Variants in PRIMA1 observed in about 807,000 individuals in gnomAD.
PRIMA1 encodes the protein proline-rich membrane anchor 1.
A neutral mutation model predicts 17.5 loss-of-function variants in PRIMA1; 7 were observed. That is an observed-to-expected ratio of 0.40 (90% CI 0.23 to 0.75). The LOEUF is 0.75. PRIMA1 is among the 30% of genes least tolerant of loss of function. The pLI is 0.37. For missense variants in PRIMA1, 200 were observed against 201.8 expected (o/e 0.99, Z 0.05); for synonymous variants, 97 against 77.9 (o/e 1.25, Z -1.29).
At chr14:93,776,512 C>T (rs1885225726) in intron 3 of PRIMA1, among the ~76,000 whole-genome samples, 1 of 152,178 alleles carries the variant, frequency 6.6e-6, no homozygotes, top group South Asian at 2.1e-4. Flanking sequence ...AGACCCCCAC[C>T]TGACTCCAGT....
chr14:93,771,719 T>C (rs1004818106), intron 3 of PRIMA1, among the ~76,000 whole-genome samples: 8 of 152,182 alleles, frequency 5.3e-5, no homozygotes, highest in African/African-American at 1.9e-4. Flanking sequence ...AAGGTCTTCC[T>C]GAAGAAAGAA....
At chr14:93,782,779 G>A (rs1423914870) in intron 2 of PRIMA1, among the ~76,000 whole-genome samples, 1 of 152,224 alleles carries the variant, frequency 6.6e-6, no homozygotes, top group Non-Finnish European at 1.5e-5. Flanking sequence ...GCAGTGTCCT[G>A]ATAGTTTGGT....
intron 3 of PRIMA1, among the ~76,000 whole-genome samples, chr14:93,774,869 G>A: frequency 6.6e-6 from 1 of 152,202 alleles, no homozygotes; most frequent in East Asian, 1.9e-4. Context: ...CCCATGGGGT[G>A]GGTGTGGCCC....
At chr14:93,724,269 A>C (rs2076061007) in intron 4 of PRIMA1, among the ~76,000 whole-genome samples, 1 of 152,220 alleles carries the variant, frequency 6.6e-6, no homozygotes, top group African/African-American at 2.4e-5. Flanking sequence ...AGAGTCCTCC[A>C]AGAAAACTGT....
chr14:93,730,857 A>G (rs1238664611), intron 4 of PRIMA1, among the ~76,000 whole-genome samples: 4 of 152,122 alleles, frequency 2.6e-5, no homozygotes, highest in African/African-American at 9.7e-5. Flanking sequence ...GAGATGAAAG[A>G]CTGGAGTTGG....
intron 3 of PRIMA1, among the ~76,000 whole-genome samples, chr14:93,756,700 T>C (rs916082467): frequency 6.6e-6 from 1 of 152,136 alleles, no homozygotes; most frequent in African/African-American, 2.4e-5. Context: ...GTGTCTCCAC[T>C]GGGGTGGTCC....
chr14:93,727,543 G>A (rs2076086314), intron 4 of PRIMA1, among the ~76,000 whole-genome samples: 1 of 151,990 alleles, frequency 6.6e-6, no homozygotes, highest in South Asian at 2.1e-4. Flanking sequence ...CGGCCCAGAC[G>A]GTGTCCATCT....
chr14:93,722,784 AGT>A (rs1303208364), intron 4 of PRIMA1, among the ~76,000 whole-genome samples: 2 of 654 alleles, frequency 3.1e-3, no homozygotes, highest in African/African-American at 0.013. Flanking sequence ...TGATGGTGAC[AGT>A]GGTAATGAAG....
rs1454719421 is a variant in PRIMA1, at chr14:93,719,909, CACAG to C, written c.*1531_*1534del. 6.6e-6 allele frequency: 1 copy of C among 152,272 alleles called. No individual in the cohort carries two copies. Among genetic ancestry groups the C allele is most frequent in the Non-Finnish European group, 1.5e-5 (1 of 68,092 alleles). The allele number at this position is 152,272 out of a possible 1,614,324, so 9.4% of individuals were successfully genotyped here. On this transcript the variant is annotated 3_prime_UTR_variant, in exon 5 of 5. Transcript: ENST00000393140. ...TGATGACCTGGGCAGGACAATGACA[CACAG>C]ACAGCTCCGTGGGCACTAGGACTCT... is the stretch of plus-strand genomic sequence containing the variant.
At chr14:93,762,829 C>T (rs995654715) in intron 3 of PRIMA1, among the ~76,000 whole-genome samples, 2 of 152,180 alleles carry the variant, frequency 1.3e-5, no homozygotes, top group Non-Finnish European at 2.9e-5. Flanking sequence ...TGTCTCCTGT[C>T]CCTGCACCCA....
intron 3 of PRIMA1, among the ~76,000 whole-genome samples, chr14:93,757,970 G>A (rs949418610): frequency 6.6e-6 from 1 of 152,144 alleles, no homozygotes; most frequent in Non-Finnish European, 1.5e-5. Flanking sequence ...TTGATGGGGG[G>A]CCTAGGAGGC....
chr14:93,785,856 A>G (rs1354631217), intron 2 of PRIMA1, among the ~76,000 whole-genome samples: 2 of 151,756 alleles, frequency 1.3e-5, no homozygotes, highest in Admixed American at 1.3e-4. Context: ...CATCTGAAAT[A>G]CACCCGCACA....
At chr14:93,776,886 T>G (rs1885235693) in intron 3 of PRIMA1, among the ~76,000 whole-genome samples, 1 of 152,250 alleles carries the variant, frequency 6.6e-6, no homozygotes, top group Non-Finnish European at 1.5e-5. Context: ...AGAGAGAAAG[T>G]CTCAAGCTCA....
At chr14:93,747,538 G>C (rs2076226624) in intron 3 of PRIMA1, among the ~76,000 whole-genome samples, 1 of 152,148 alleles carries the variant, frequency 6.6e-6, no homozygotes, top group Non-Finnish European at 1.5e-5. Context: ...AGGAGGTGGA[G>C]TGTGTGAGTG....
intron 3 of PRIMA1, among the ~76,000 whole-genome samples, chr14:93,767,263 A>G (rs1342410761): frequency 6.6e-6 from 1 of 152,252 alleles, no homozygotes. Context: ...TGAATATTCA[A>G]AACAACCCTA....
intron 2 of PRIMA1, among the ~76,000 whole-genome samples, chr14:93,784,771 G>C (rs1265655571): frequency 1.3e-5 from 2 of 152,096 alleles, no homozygotes; most frequent in African/African-American, 4.8e-5. Flanking sequence ...CTTGCCCCGG[G>C]TCCAAGCTGT....
At chr14:93,730,520 A>C (rs1382809708) in intron 4 of PRIMA1, among the ~76,000 whole-genome samples, 1 of 152,134 alleles carries the variant, frequency 6.6e-6, no homozygotes, top group East Asian at 1.9e-4. Flanking sequence ...AACCTCTGGA[A>C]CCTGAACCAT....
rs140016687 is a variant in PRIMA1, at chr14:93,721,464, C to T, written c.442G>A (p.Val148Met). 2.8e-5 allele frequency: 45 copies of T among 1,612,988 alleles called. No individual in the cohort carries two copies. Among genetic ancestry groups the T allele is most frequent in the Middle Eastern group, 1.7e-4 (1 of 6,048 alleles). Reference sequence around the variant, plus strand: ...CAGACTCACACCACTGCGTTGTTCACGTCTACTCCTTTGTTGCTCTGCGAA... The same window carrying T: ...CAGACTCACACCACTGCGTTGTTCATGTCTACTCCTTTGTTGCTCTGCGAA... ...SASQSNKGVD[V>M]NNAVV Residue 148 changes from valine (V) to methionine (M), a missense_variant, in exon 5 of 5, where the codon GTG becomes ATG. Physicochemically the swap from Val to Met is conservative, Grantham distance 21 (BLOSUM62 1). Coordinates refer to ENST00000393140, the MANE Select transcript of PRIMA1 (RefSeq NM_178013.4).
rs921469368 is a variant in PRIMA1, at chr14:93,776,821, G to A, written c.229+2355C>T. Among the ~76,000 whole-genome samples the A allele has an allele frequency of 3.3e-5, 5 of 152,298 alleles. No homozygotes were observed. The South Asian group carries it at 8.3e-4, about 25-fold the overall frequency. On this transcript the variant is annotated intron_variant, in intron 3 of 4. Coordinates refer to ENST00000393140, the MANE Select transcript of PRIMA1 (RefSeq NM_178013.4). Reference sequence around the variant, plus strand: ...TTTATAGAGAAGGTCTCAGCACTGTGCCACTATGGCTTTCACATCTCTCTA... The same window carrying A: ...TTTATAGAGAAGGTCTCAGCACTGTACCACTATGGCTTTCACATCTCTCTA...
Sources: gnomAD v4.1 joint callset for allele counts (sites outside exome capture counted in the v4.1 genomes callset) on GRCh38, gnomAD v4.1.1 for gene constraint, MANE v1.5 for transcripts, NCBI Gene and HGNC (gene_info 2026-07-23, HGNC 2026-07-21) for gene names.